Variants in WDFY3 observed in about 807,000 individuals in gnomAD.
WDFY3 encodes WD repeat and FYVE domain-containing protein 3.
WDFY3 carries 66 observed loss-of-function variants against 409.6 expected under a neutral mutation model. The ratio of observed to expected loss-of-function variants is 0.16; its 90% CI spans 0.13 to 0.20. WDFY3 has a LOEUF of 0.20. Ranked by LOEUF, WDFY3 falls within the 10% of genes least tolerant of loss-of-function variation. WDFY3 has a pLI of 1.00. For missense variants in WDFY3, 3,031 were observed against 4,298.1 expected, an observed-to-expected ratio of 0.71 and a Z score of 8.24; for synonymous variants, 1,521 against 1,537.1, an observed-to-expected ratio of 0.99 and a Z score of 0.25.
chr4:84,929,787 T>C (rs1770508032), intron 2 of WDFY3, among the ~76,000 whole-genome samples: 2 of 152,186 alleles, frequency 1.3e-5, no homozygotes, highest in South Asian at 4.1e-4. Flanking sequence ...GATGCACACC[T>C]GTAATCCCAG....
chr4:84,690,962 G>A (rs937640294), intron 60 of WDFY3, among the ~76,000 whole-genome samples: 3 of 152,202 alleles, frequency 2.0e-5, no homozygotes, highest in Non-Finnish European at 4.4e-5. Flanking sequence ...TCTATGGAAG[G>A]TGCAGGGGAC....
chr4:84,940,517 C>T (rs1019285480), intron 1 of WDFY3, among the ~76,000 whole-genome samples: 1 of 152,000 alleles, frequency 6.6e-6, no homozygotes. Flanking sequence ...ACCTCTGGCC[C>T]CATTACCTCT....
Position 84,740,426 on chromosome 4 carries a change from T to C in WDFY3, c.6235-10A>G. 6.2e-7 allele frequency: 1 copy of C among 1,613,564 alleles called. No individual in the cohort carries two copies. The highest frequency in any genetic ancestry group is 8.5e-7 in the Non-Finnish European group (1 of 1,179,530). On this transcript the variant is annotated splice_polypyrimidine_tract_variant and intron_variant, in intron 38 of 67. Transcript: ENST00000295888. Reference sequence around the variant, plus strand: ...GTGATCTTCTCTTTGACTAAAGACATGAAAGGTATGTTTTTAGTATAATAG... The same window carrying C: ...GTGATCTTCTCTTTGACTAAAGACACGAAAGGTATGTTTTTAGTATAATAG...
At chr4:84,870,453 GT>G (rs902013264) in intron 3 of WDFY3, among the ~76,000 whole-genome samples, 1 of 152,130 alleles carries the variant, frequency 6.6e-6, no homozygotes, top group African/African-American at 2.4e-5. Flanking sequence ...CAAACTGGTG[GT>G]GGTTGAAAGT....
At chr4:84,746,832 C>T (rs1739535149) in intron 36 of WDFY3, among the ~76,000 whole-genome samples, 1 of 127,612 alleles carries the variant, frequency 7.8e-6, no homozygotes, top group Non-Finnish European at 1.7e-5. Context: ...ACTAACATCC[C>T]CATTTTAGAA....
At chr4:84,773,023 A>C in intron 29 of WDFY3, 94 bp from the exon 30 acceptor site, 1 of 959,418 alleles carries the variant, frequency 1.0e-6, no homozygotes, top group Non-Finnish European at 1.5e-6. Context: ...AAGAATAAAA[A>C]CCAAAACAGT....
intron 33 of WDFY3, among the ~76,000 whole-genome samples, 177 bp from the exon 34 acceptor site, chr4:84,755,577 T>G (rs1013576102): frequency 1.7e-4 from 26 of 152,332 alleles, no homozygotes; most frequent in Admixed American, 3.3e-4. Context: ...AACTCATTTT[T>G]ATAGATATAA....
intron 62 of WDFY3, among the ~76,000 whole-genome samples, chr4:84,685,644 G>T (rs1360822603): frequency 1.3e-5 from 2 of 152,180 alleles, no homozygotes; most frequent in Non-Finnish European, 1.5e-5. Flanking sequence ...GACATAAGAA[G>T]AATTAAAGGC....
chr4:84,726,394 G>T (rs1735659848), intron 45 of WDFY3, among the ~76,000 whole-genome samples: 1 of 151,984 alleles, frequency 6.6e-6, no homozygotes, highest in Admixed American at 6.6e-5. Flanking sequence ...ATTTTAAAAA[G>T]TGATCACACA....
chr4:84,893,030 A>G lies in WDFY3; in HGVS notation c.-32+3881T>C, dbSNP rs549287397. On this transcript the variant is annotated intron_variant, in intron 3 of 67. Transcript: ENST00000295888. ...GGCTTGAAGTGAGATTGTGCTTCACATGGCTGAACAACTGTAATGAAACCA... is the reference window on the plus strand; with the variant it reads ...GGCTTGAAGTGAGATTGTGCTTCACGTGGCTGAACAACTGTAATGAAACCA... 9.2e-5 allele frequency among the ~76,000 whole-genome samples: 14 copies of G among 152,336 alleles called. No individual in the cohort carries two copies. The South Asian group carries it at 2.9e-3, about 32-fold the overall frequency.
At chr4:84,871,090 TGACA>T (rs1220055941) in intron 3 of WDFY3, among the ~76,000 whole-genome samples, 1 of 152,074 alleles carries the variant, frequency 6.6e-6, no homozygotes, top group African/African-American at 2.4e-5. Context: ...GCAAAATTAA[TGACA>T]AACACCAAAC....
chr4:84,876,851 C>A (rs996753499), intron 3 of WDFY3, among the ~76,000 whole-genome samples: 1 of 152,176 alleles, frequency 6.6e-6, no homozygotes, highest in Non-Finnish European at 1.5e-5. Flanking sequence ...TCCTAGTTCT[C>A]ATCCTAAAGA....
Position 84,715,291 on chromosome 4 carries a change from A to G in WDFY3, c.7961+7T>C, listed in dbSNP as rs369633897. On this transcript the variant is annotated splice_region_variant and intron_variant, in intron 50 of 67. Transcript: ENST00000295888. ...ATAGTATACAAAGTGTTCCGAATAAACAAGACCTTTGATAGACTTTGTTTC... is the reference window on the plus strand; with the variant it reads ...ATAGTATACAAAGTGTTCCGAATAAGCAAGACCTTTGATAGACTTTGTTTC... 65 of 1,558,684 alleles carry G rather than the reference A, an allele frequency of 4.2e-5. No homozygotes were observed.
chr4:84,809,682 T>C (rs1752150114), intron 14 of WDFY3: 1 of 467,924 alleles, frequency 2.1e-6, no homozygotes, highest in East Asian at 3.5e-5. Context: ...AATTTACAAA[T>C]AGTACACAGG....
intron 2 of WDFY3, among the ~76,000 whole-genome samples, chr4:84,912,577 G>A (rs1767932245): frequency 6.6e-6 from 1 of 152,090 alleles, no homozygotes; most frequent in Admixed American, 6.6e-5. Context: ...AGCAAAGGAT[G>A]GCTTGGTAAT....
At chr4:84,903,595 C>G (rs939960324) in intron 2 of WDFY3, among the ~76,000 whole-genome samples, 5 of 152,252 alleles carry the variant, frequency 3.3e-5, no homozygotes, top group African/African-American at 1.2e-4. Context: ...GCTGGGGTTA[C>G]AGGTGTGAGC....
At chr4:84,713,864 A>C (rs572591656) in intron 50 of WDFY3, among the ~76,000 whole-genome samples, 15 of 152,234 alleles carry the variant, frequency 9.9e-5, no homozygotes, top group African/African-American at 3.6e-4. Flanking sequence ...CACGCCTGTA[A>C]TCTCAACACT....
intron 24 of WDFY3, among the ~76,000 whole-genome samples, chr4:84,784,891 T>TATATACACACACACAC (rs1238884117): frequency 2.4e-4 from 9 of 36,928 alleles, no homozygotes; most frequent in African/African-American, 6.9e-4. Context: ...TATATATATA[T>TATATACACACACACAC]ACACACACAC....
At chr4:84,893,967 C>T (rs1018373545) in intron 3 of WDFY3, among the ~76,000 whole-genome samples, 1 of 149,794 alleles carries the variant, frequency 6.7e-6, no homozygotes. Context: ...CCAGCCTGGG[C>T]GACAGAGCAA....
Sources: allele counts gnomAD v4.1 joint callset (sites outside exome capture counted in the v4.1 genomes callset), GRCh38; gene constraint gnomAD v4.1.1; transcripts MANE v1.5; gene names NCBI Gene and HGNC (gene_info 2026-07-23, HGNC 2026-07-21).